Variants in NCAM2 observed in about 807,000 individuals in gnomAD.
NCAM2 encodes N-CAM-2.
A neutral mutation model predicts 98.1 loss-of-function variants in NCAM2; 30 were observed. The ratio of observed to expected loss-of-function variants is 0.31; its 90% confidence interval spans 0.23 to 0.41. The LOEUF (loss-of-function observed/expected upper bound fraction) is 0.41, where lower values mean the gene tolerates loss of function less well. Ranked by LOEUF, NCAM2 falls within the 10% of genes least tolerant of loss-of-function variation. NCAM2 has a pLI of 1.00. For synonymous variants in NCAM2, 368 were observed against 342.4 expected (o/e 1.07, Z -0.83); for missense variants, 867 against 1,005.8 (o/e 0.86, Z 1.87).
At chr21:21,078,411 G>A (rs909982825) in intron 1 of NCAM2, among the ~76,000 whole-genome samples, 1 of 152,198 alleles carries the variant, frequency 6.6e-6, no homozygotes, top group African/African-American at 2.4e-5. Context: ...TCCTTTGGCT[G>A]TAGAATGAAA....
intron 1 of NCAM2, chr21:21,223,284 G>A (rs903166826): frequency 1.3e-5 from 2 of 151,848 alleles, no homozygotes; most frequent in East Asian, 1.9e-4. Flanking sequence ...GTAAAAACAG[G>A]TTCAATAACA....
rs117756101 is a variant in NCAM2 at position 21,307,859 on chromosome 21, A to G, written c.619+15618A>G. On this transcript the variant is annotated intron_variant, in intron 5 of 17. Transcript: ENST00000400546. ...AGCTGAAGAGAAATCTCTGCTTTTA[A>G]TATCAGATGAAAAGGGGATCATGTG... Among the ~76,000 whole-genome samples, 127 of 152,188 alleles carry G rather than the reference A, an allele frequency of 8.3e-4. No homozygotes were observed. In the East Asian group the frequency reaches 0.02, roughly 24 times the overall value.
At chr21:21,000,996 C>T (rs2064010475) in intron 1 of NCAM2, among the ~76,000 whole-genome samples, 1 of 152,156 alleles carries the variant, frequency 6.6e-6, no homozygotes, top group Non-Finnish European at 1.5e-5. Flanking sequence ...CTTAGAAATA[C>T]TAAAATCTCA....
chr21:21,063,210 C>CTTTTT lies in NCAM2; in HGVS notation c.55+64616_55+64620dup, dbSNP rs11325446. ...TCATAGCACTGTTTATCTTTACATTCTTTTTTTTTTTTTTTTTTTTTTTTT... is the reference window on the plus strand; with the variant it reads ...TCATAGCACTGTTTATCTTTACATTCTTTTTTTTTTTTTTTTTTTTTTTTTTTTTT... On this transcript the variant is annotated intron_variant, in intron 1 of 17. Transcript: ENST00000400546. Among the ~76,000 whole-genome samples, 49 of 66,106 alleles carry CTTTTT rather than the reference C, an allele frequency of 7.4e-4. 5 individuals carry two copies. The highest frequency in any genetic ancestry group is 1.5e-3 in the African/African-American group (23 of 15,432). 43.4% of individuals were successfully genotyped at this position (66,106 alleles called of 152,430 possible). A position where few individuals can be genotyped will look rare whatever the true frequency, so the allele number is the denominator to read the frequency against.
chr21:21,492,851 T>TA (rs1986944815), intron 15 of NCAM2, among the ~76,000 whole-genome samples: 1 of 151,842 alleles, frequency 6.6e-6, no homozygotes, highest in Non-Finnish European at 1.5e-5. Flanking sequence ...TAAATGTGGT[T>TA]AAATAAAAAA....
chr21:21,192,820 C>G (rs995963235), intron 1 of NCAM2, among the ~76,000 whole-genome samples: 1 of 152,028 alleles, frequency 6.6e-6, no homozygotes. Context: ...CCATTCAGAC[C>G]TAATAATTAT....
chr21:21,410,359 T>TC lies in NCAM2; in HGVS notation c.1283dup (p.Pro429ThrfsTer10). On this transcript the variant is annotated frameshift_variant, in exon 10 of 18. Coordinates refer to ENST00000400546, the MANE Select transcript of NCAM2 (RefSeq NM_004540.5). LOFTEE classifies it high-confidence loss of function. Reference sequence around the variant, plus strand: ...ATATAAGTTGTGATGTGAAATCGAATCCACCAGCATCAATTCACTGGAGAA... The same window carrying TC: ...ATATAAGTTGTGATGTGAAATCGAATCCCACCAGCATCAATTCACTGGAGAA... The TC allele has an allele frequency of 6.2e-7, 1 of 1,601,578 alleles. No homozygotes were observed. The highest frequency in any genetic ancestry group is 8.5e-7 in the Non-Finnish European group (1 of 1,172,704).
At chr21:21,112,894 C>T (rs1462923905) in intron 1 of NCAM2, among the ~76,000 whole-genome samples, 3 of 152,170 alleles carry the variant, frequency 2.0e-5, no homozygotes, top group Admixed American at 6.5e-5. Flanking sequence ...GCACTGGCTT[C>T]GTAGGATTGG....
At chr21:21,387,831 A>G (rs1242279291) in intron 9 of NCAM2, among the ~76,000 whole-genome samples, 1 of 152,194 alleles carries the variant, frequency 6.6e-6, no homozygotes, top group African/African-American at 2.4e-5. Flanking sequence ...AGAGAAACCA[A>G]TGACTTTAAA....
chr21:21,395,539 C>T (rs111682931), intron 9 of NCAM2, among the ~76,000 whole-genome samples: 109 of 152,130 alleles, frequency 7.2e-4, no homozygotes, highest in African/African-American at 2.6e-3. Flanking sequence ...TCATATGGGA[C>T]CACAAAAGAG....
intron 8 of NCAM2, among the ~76,000 whole-genome samples, chr21:21,352,077 G>GT (rs954231826): frequency 9.9e-5 from 15 of 151,804 alleles, no homozygotes; most frequent in African/African-American, 2.2e-4. Context: ...TTGTTTCCTT[G>GT]TTTTTTTGAG....
At chr21:21,333,588 T>C (rs182626527) in intron 6 of NCAM2, among the ~76,000 whole-genome samples, 1 of 152,308 alleles carries the variant, frequency 6.6e-6, no homozygotes, top group East Asian at 1.9e-4. Context: ...GAAAGAACAT[T>C]GGAACTTAAT....
intron 6 of NCAM2, among the ~76,000 whole-genome samples, chr21:21,331,697 C>A (rs1485695196): frequency 2.1e-5 from 3 of 141,282 alleles, no homozygotes; most frequent in Non-Finnish European, 3.1e-5. Flanking sequence ...TCAGGCAATT[C>A]TCCTGCCTCA....
intron 1 of NCAM2, among the ~76,000 whole-genome samples, chr21:21,233,606 G>A (rs2070711938): frequency 6.6e-6 from 1 of 151,486 alleles, no homozygotes; most frequent in Non-Finnish European, 1.5e-5. Flanking sequence ...CTGGAAAATG[G>A]TACTGAATGC....
intron 1 of NCAM2, among the ~76,000 whole-genome samples, chr21:21,109,340 T>G (rs1205040447): frequency 6.6e-6 from 1 of 152,056 alleles, no homozygotes; most frequent in Non-Finnish European, 1.5e-5. Context: ...ATTTTAAATA[T>G]AAAAGGTAGC....
intron 1 of NCAM2, among the ~76,000 whole-genome samples, chr21:21,058,347 A>C (rs756820703): frequency 2.0e-5 from 3 of 152,104 alleles, no homozygotes; most frequent in Non-Finnish European, 4.4e-5. Flanking sequence ...TGCACATATG[A>C]ATTCCTAAAC....
At chr21:21,158,821 T>A (rs2067692293) in intron 1 of NCAM2, among the ~76,000 whole-genome samples, 1 of 152,160 alleles carries the variant, frequency 6.6e-6, no homozygotes, top group Admixed American at 6.6e-5. Context: ...AATGACTATA[T>A]CTGGCTTATC....
intron 1 of NCAM2, among the ~76,000 whole-genome samples, chr21:21,250,354 A>T (rs1190568281): frequency 3.3e-5 from 5 of 152,196 alleles, no homozygotes. Flanking sequence ...TCGTTAGCAA[A>T]TTAGAGAAAA....
At position 21,486,354 on chromosome 21, in the gene NCAM2, G is replaced by A. The variant is rs192715460; in HGVS notation, c.2077+8883G>A. Among the ~76,000 whole-genome samples, 212 of 141,760 alleles carry A rather than the reference G, an allele frequency of 1.5e-3. 3 individuals are homozygous for A. The highest frequency in any genetic ancestry group is 1.9e-3 in the Non-Finnish European group (127 of 65,688). 93.0% of individuals were successfully genotyped at this position (141,760 alleles called of 152,430 possible). ...CTTCTGCTTCCCTCCTTTCTCCCCT[G>A]CTGAGATAAAACGATATCTCAACTC... is the stretch of plus-strand genomic sequence containing the variant. On this transcript the variant is annotated intron_variant, in intron 15 of 17. Coordinates refer to ENST00000400546, the MANE Select transcript of NCAM2 (RefSeq NM_004540.5).
Sources: allele counts gnomAD v4.1 joint callset (sites outside exome capture counted in the v4.1 genomes callset), GRCh38; gene constraint gnomAD v4.1.1; transcripts MANE v1.5; gene names NCBI Gene and HGNC (gene_info 2026-07-23, HGNC 2026-07-21).